Variants in AHDC1 observed in about 807,000 individuals in gnomAD.
AHDC1 encodes AT-hook DNA binding motif containing 1, also known as transcription factor Gibbin.
AHDC1 carries 7 observed loss-of-function variants against 87.9 expected under a neutral mutation model. The ratio of observed to expected loss-of-function variants is 0.08; its 90% CI spans 0.05 to 0.15. AHDC1 has a LOEUF of 0.15. AHDC1 is among the 10% of genes least tolerant of loss of function. The probability of loss-of-function intolerance (pLI) is 1.00; values close to 1 mark genes in which losing one functional copy is unlikely to be tolerated. For missense variants in AHDC1, 1,841 were observed against 2,253.2 expected (o/e 0.82, Z 3.70); for synonymous variants, 1,051 against 1,006.8 (o/e 1.04, Z -0.83).
chr1:27,586,272 G>A (rs1262192057), intron 3 of AHDC1, among the ~76,000 whole-genome samples: 3 of 152,104 alleles, frequency 2.0e-5, no homozygotes, highest in Admixed American at 6.5e-5. Flanking sequence ...AGACCTGGGC[G>A]AGAAGAGGGA....
chr1:27,551,987 G>C lies in AHDC1; in HGVS notation c.129C>G (p.Pro43=), dbSNP rs754191469. 1 of 1,472,968 alleles carries C rather than the reference G, an allele frequency of 6.8e-7. No homozygotes were observed. Among genetic ancestry groups the C allele is most frequent in the Non-Finnish European group, 9.0e-7 (1 of 1,112,266 alleles). The allele number at this position is 1,472,968 out of a possible 1,614,324, so 91.2% of individuals were successfully genotyped here. A position where few individuals can be genotyped will look rare whatever the true frequency, so the allele number is the denominator to read the frequency against. Residue 43 remains proline, a synonymous_variant, in exon 8 of 9, where the codon CCC becomes CCG. Transcript: ENST00000673934. ...PTPRPLLPTR[P]PASPPDKAFS... Reference sequence around the variant, plus strand: ...AGGCCTTGTCAGGTGGGCTGGCAGGGGGCCGGGTGGGAAGCAGGGGCCGGG... The same window carrying C: ...AGGCCTTGTCAGGTGGGCTGGCAGGCGGCCGGGTGGGAAGCAGGGGCCGGG...
At chr1:27,584,624 C>T (rs2088995921) in intron 3 of AHDC1, among the ~76,000 whole-genome samples, 1 of 152,202 alleles carries the variant, frequency 6.6e-6, no homozygotes, top group Non-Finnish European at 1.5e-5. Flanking sequence ...TTCCACCTCT[C>T]CCATTGGTGG....
Position 27,547,938 on chromosome 1 carries a change from C to A in AHDC1, c.4178G>T (p.Gly1393Val). Residue 1393 changes from glycine (G) to valine (V), a missense_variant, in exon 8 of 9, where the codon GGC becomes GTC. Transcript: ENST00000673934. The surrounding 1 kb of genome is among the most constrained non-coding windows in gnomAD (Gnocchi z 4.9). ...GGTGGGCGAGTATGCCTTCTGCAGG[C>A]CGGCGTCAAACACCGTGGGTGGGTG... ...LAHPPTVFDA[G>V]LQKAYSPTCS... 1 of 1,585,508 alleles carries A rather than the reference C, an allele frequency of 6.3e-7. No individual in the cohort carries two copies. Among genetic ancestry groups the A allele is most frequent in the Admixed American group, 1.7e-5 (1 of 58,920 alleles).
chr1:27,592,869 GGGCCCAGCTCAGAGAGGCTTGGGCCCCT>G (rs2089265067), intron 3 of AHDC1, among the ~76,000 whole-genome samples: 1 of 151,526 alleles, frequency 6.6e-6, no homozygotes, highest in African/African-American at 2.4e-5. Flanking sequence ...CCTCTACCTC[GGGCCCAGCTCAGAGAGGCTTGGGCCCCT>G]GGCCCAAGCT....
chr1:27,593,270 A>G lies in AHDC1; in HGVS notation c.-629+10127T>C, dbSNP rs1257519988. 6.6e-6 allele frequency among the ~76,000 whole-genome samples: 1 copy of G among 151,856 alleles called. No homozygotes were observed. The highest frequency in any genetic ancestry group is 1.9e-4 in the East Asian group (1 of 5,162). On this transcript the variant is annotated intron_variant, in intron 3 of 8. Coordinates refer to ENST00000673934, the MANE Select transcript of AHDC1 (RefSeq NM_001371928.1). This position sits in a 1 kb window ranked among gnomAD's most constrained non-coding sequence, Gnocchi z 4.9. ...CAGGCAGCGATAGGATTACTTCTGCATGACTGCCCGCTCCACAGGGTTCCA... is the reference window on the plus strand; with the variant it reads ...CAGGCAGCGATAGGATTACTTCTGCGTGACTGCCCGCTCCACAGGGTTCCA...
Position 27,538,656 on chromosome 1 carries a change from A to G in AHDC1, c.*44-3740T>C, listed in dbSNP as rs1307618032. Among the ~76,000 whole-genome samples, 4 of 151,896 alleles carry G rather than the reference A, an allele frequency of 2.6e-5. No individual in the cohort carries two copies. In the East Asian group the frequency reaches 7.8e-4, roughly 30 times the overall value. On this transcript the variant is annotated intron_variant, in intron 8 of 8. Coordinates refer to ENST00000673934, the MANE Select transcript of AHDC1 (RefSeq NM_001371928.1). ...CAGCACCTTGAGTAGCTGGTACTAC[A>G]GGCGCACATCACCACACCTGGCTAA...
intron 3 of AHDC1, among the ~76,000 whole-genome samples, chr1:27,599,018 A>C (rs372656099): frequency 1.3e-5 from 2 of 152,158 alleles, no homozygotes; most frequent in African/African-American, 4.8e-5. Context: ...ACTGAGGCCC[A>C]AGAGGAAGGG....
At chr1:27,581,927 C>T (rs1263525604) in intron 3 of AHDC1, among the ~76,000 whole-genome samples, 1 of 152,206 alleles carries the variant, frequency 6.6e-6, no homozygotes, top group Non-Finnish European at 1.5e-5. Context: ...CACCCACACA[C>T]TCACTCCGTT....
At chr1:27,580,827 C>A (rs1425447493) in intron 3 of AHDC1, among the ~76,000 whole-genome samples, 2 of 152,158 alleles carry the variant, frequency 1.3e-5, no homozygotes, top group Non-Finnish European at 2.9e-5. Flanking sequence ...AACATTTTAA[C>A]CAACCAAAAA....
chr1:27,546,530 C>A (rs1571222278), intron 8 of AHDC1, among the ~76,000 whole-genome samples: 1 of 152,228 alleles, frequency 6.6e-6, no homozygotes, highest in Non-Finnish European at 1.5e-5. Flanking sequence ...TCACTGGCTG[C>A]AGGTTTGCAG....
At chr1:27,546,890 C>T (rs1414268128) in intron 8 of AHDC1, among the ~76,000 whole-genome samples, 2 of 152,186 alleles carry the variant, frequency 1.3e-5, no homozygotes, top group African/African-American at 4.8e-5. Flanking sequence ...TACAAATGCC[C>T]ACCCTTATCA....
At position 27,549,819 on chromosome 1, in the gene AHDC1, G is replaced by A. The variant is rs763181537; in HGVS notation, c.2297C>T (p.Ala766Val). The change falls in exon 8 of 9, where the codon GCT (alanine) becomes GTT (valine). Residue 766 changes from alanine (A) to valine (V), a missense_variant. Physicochemically the swap from Ala to Val is moderately conservative, Grantham distance 64. Around this residue, in one of 13 missense-constraint regions of AHDC1, gnomAD observed 236 missense variants for 257.9 expected, o/e 0.92. Coordinates refer to ENST00000673934, the MANE Select transcript of AHDC1 (RefSeq NM_001371928.1). Reference sequence around the variant, plus strand: ...ACCACCCTTATCCCCGGCCCACTCAGCACCTGCCTCCCCAAAGCCTGGGCC... The same window carrying A: ...ACCACCCTTATCCCCGGCCCACTCAACACCTGCCTCCCCAAAGCCTGGGCC... ...PSGPGFGEAG[A>V]EWAGDKGGGW... is the part of the protein sequence containing the mutation. 1.2e-6 allele frequency: 2 copies of A among 1,613,620 alleles called. No homozygotes were observed. Among genetic ancestry groups the A allele is most frequent in the Non-Finnish European group, 1.7e-6 (2 of 1,179,912 alleles).
intron 5 of AHDC1, among the ~76,000 whole-genome samples, chr1:27,557,401 G>A (rs562703482): frequency 2.0e-5 from 3 of 149,414 alleles, no homozygotes; most frequent in South Asian, 2.1e-4. Context: ...CTTCCCCAGA[G>A]AGCTCCTTGT....
intron 8 of AHDC1, among the ~76,000 whole-genome samples, chr1:27,545,927 C>T (rs537781831): frequency 5.8e-4 from 88 of 152,234 alleles, no homozygotes; most frequent in African/African-American, 1.9e-3. Context: ...CGGAGGCCTC[C>T]GGACTCCTGC....
chr1:27,549,237 G>A lies in AHDC1; in HGVS notation c.2879C>T (p.Thr960Ile), dbSNP rs983774136. The change falls in exon 8 of 9, where the codon ACC becomes ATC. Residue 960 changes from threonine (T) to isoleucine (I), a missense_variant. Physicochemically the swap from Thr to Ile is moderately conservative, Grantham distance 89. Transcript: ENST00000673934. ...CAGGTAGGTGTTGGCAGGCGGGTGG[G>A]TGGTAGGTGAGCGGGCCATGGCTGA... ...PPSAMARSPT[T>I]HPPANTYLPQ... 1.2e-6 allele frequency: 2 copies of A among 1,604,858 alleles called. No individual in the cohort carries two copies. Among genetic ancestry groups the A allele is most frequent in the African/African-American group, 2.7e-5 (2 of 74,926 alleles).
At position 27,558,659 on chromosome 1, in the gene AHDC1, C is replaced by T. The variant is rs1414022408; in HGVS notation, c.-451+47G>A. 6 of 398,362 alleles carry T rather than the reference C, an allele frequency of 1.5e-5. No homozygotes were observed. The highest frequency in any genetic ancestry group is 2.2e-5 in the Non-Finnish European group (5 of 226,042). The allele number at this position is 398,362 out of a possible 1,614,324, so 24.7% of individuals were successfully genotyped here. A position where few individuals can be genotyped will look rare whatever the true frequency, so the allele number is the denominator to read the frequency against. ...AGGCAAGTTCCCCTGATCCCCACTT[C>T]CTGGGGGTGGCCCAGGCCCAAGCCT... On this transcript the variant is annotated intron_variant, in intron 4 of 8. Coordinates refer to ENST00000673934, the MANE Select transcript of AHDC1 (RefSeq NM_001371928.1). This position sits in a 1 kb window ranked among gnomAD's most constrained non-coding sequence, Gnocchi z 5.6.
chr1:27,576,946 C>T (rs140032561), intron 3 of AHDC1, among the ~76,000 whole-genome samples: 177 of 152,294 alleles, frequency 1.2e-3, no homozygotes, highest in African/African-American at 4.0e-3. Flanking sequence ...CAGTGCTCAC[C>T]GCCTGCCCAC....
chr1:27,568,699 G>A (rs1031693154), intron 3 of AHDC1, among the ~76,000 whole-genome samples: 1 of 151,598 alleles, frequency 6.6e-6, no homozygotes, highest in Non-Finnish European at 1.5e-5. Flanking sequence ...CCTTTCCCCC[G>A]GCCGCGGCGC....
chr1:27,536,449 C>T lies in AHDC1; in HGVS notation c.*44-1533G>A, dbSNP rs1307273023. Among the ~76,000 whole-genome samples, 5 of 152,230 alleles carry T rather than the reference C, an allele frequency of 3.3e-5. No homozygotes were observed. The Middle Eastern group carries it at 0.01, about 311-fold the overall frequency. ...ATGGAATACTAGCCGTAGGGGCGAG[C>T]GGTGTGCCTGGGAGGGTGACAGCTG... On this transcript the variant is annotated intron_variant, in intron 8 of 8. Coordinates refer to ENST00000673934, the MANE Select transcript of AHDC1 (RefSeq NM_001371928.1).
Sources: allele counts gnomAD v4.1 joint callset (sites outside exome capture counted in the v4.1 genomes callset), GRCh38; gene constraint gnomAD v4.1.1; regional missense constraint gnomAD v4.1.1; non-coding constraint Gnocchi (gnomAD v3.1); transcripts MANE v1.5; gene names NCBI Gene and HGNC (gene_info 2026-07-23, HGNC 2026-07-21).